Variants in LRP2 observed in about 807,000 individuals in gnomAD.
The protein encoded by LRP2 is LDL receptor related protein 2.
Under a neutral mutation model 531.0 loss-of-function variants are expected in LRP2, and 172 were observed. The ratio of observed to expected loss-of-function variants is 0.32; its 90% CI spans 0.29 to 0.37. The LOEUF (loss-of-function observed/expected upper bound fraction) is 0.37. Among genes scored for constraint, LRP2 ranks in the 10% least tolerant of loss-of-function variants. The pLI is 1.00. For synonymous variants in LRP2, 1,992 were observed against 2,027.6 expected (o/e 0.98, Z 0.47); for missense variants, 5,167 against 5,868.3 (o/e 0.88, Z 3.90).
At chr2:169,213,606 T>C in intron 36 of LRP2, 51 bp downstream of exon 36, 1 of 1,388,670 alleles carries the variant, frequency 7.2e-7, no homozygotes, top group Non-Finnish European at 1.0e-6. Flanking sequence ...GTGAGTTATG[T>C]GTGAATATGC....
intron 50 of LRP2, among the ~76,000 whole-genome samples, chr2:169,184,102 A>G (rs1263952365): frequency 6.6e-6 from 1 of 152,144 alleles, no homozygotes; most frequent in Admixed American, 6.5e-5. Context: ...AATCCAAGAG[A>G]AACGTCATTC....
In LRP2 at chr2:169,282,982, T is replaced by C. The variant is rs755607666; in HGVS notation, c.1062A>G (p.Ile354Met). 1.2e-6 allele frequency: 2 copies of C among 1,614,012 alleles called. No individual in the cohort carries two copies. The highest frequency in any genetic ancestry group is 2.2e-5 in the East Asian group (1 of 44,892). Residue 354 changes from isoleucine (I) to methionine (M), a missense_variant, in exon 10 of 79, where the codon ATA (isoleucine) becomes ATG (methionine). By Grantham distance (10) the Ile-to-Met change is conservative (BLOSUM62 1). Coordinates refer to ENST00000649046, the MANE Select transcript of LRP2 (RefSeq NM_004525.3). ...RTCVEFDDCQ[I>M]WGICDQKCES... is the part of the protein sequence containing the mutation. ...CACACTTCTGGTCACAAATTCCCCA[T>C]ATCTGGCAATCATCAAACTCTGCCA...
chr2:169,204,402 G>A (rs1345068865), intron 41 of LRP2, 131 bp from the exon 42 acceptor site: 4 of 841,758 alleles, frequency 4.8e-6, no homozygotes, highest in Non-Finnish European at 7.9e-6. Context: ...GGGGCATATG[G>A]CAGCTGGAAA....
intron 63 of LRP2, among the ~76,000 whole-genome samples, chr2:169,160,685 A>AAAAAAAAAAAAAAACAAAAAAAAC (rs970862922): frequency 2.1e-5 from 2 of 94,282 alleles, no homozygotes; most frequent in East Asian, 2.3e-4. Context: ...ATTTCCTTAA[A>AAAAAAAAAAAAAAACAAAAAAAAC]AAAAAAAAAA....
chr2:169,232,471 A>G (rs1042307387), intron 30 of LRP2, among the ~76,000 whole-genome samples: 3 of 134,626 alleles, frequency 2.2e-5, no homozygotes, highest in African/African-American at 8.2e-5. Flanking sequence ...ACTGTAAACC[A>G]AACACCATTC....
rs1423175784 is a variant in LRP2, at chr2:169,246,911, T to C, written c.2984A>G (p.Gln995Arg). 1 of 1,614,186 alleles carries C rather than the reference T, an allele frequency of 6.2e-7. No individual in the cohort carries two copies. Among genetic ancestry groups the C allele is most frequent in the Admixed American group, 1.7e-5 (1 of 60,020 alleles). ...TCCATAAGGGCACCCACACACTCGC[T>C]GGAAATTTGGCACCGGGAAGCAGAA... ...SHFCFPVPNF[Q>R]RVCGCPYGMR... The change falls in exon 21 of 79, where the codon CAG (glutamine) becomes CGG (arginine). Residue 995 changes from glutamine (Q) to arginine (R), a missense_variant. Physicochemically the swap from Gln to Arg is conservative, Grantham distance 43. Coordinates refer to ENST00000649046, the MANE Select transcript of LRP2 (RefSeq NM_004525.3).
chr2:169,240,989 G>A lies in LRP2; in HGVS notation c.4044C>T (p.Cys1348=). ...GTAAACTGTGGTCAGGAAACTTACT[G>A]CAAAGTGGGGACTCATCTGTCCCAT... ...CPNGTDESPL[C]NGNSCSDFNG... Residue 1348 remains cysteine (C), a splice_region_variant and synonymous_variant, in exon 25 of 79, where the codon TGC becomes TGT. Transcript: ENST00000649046. 1 of 1,612,150 alleles carries A rather than the reference G, an allele frequency of 6.2e-7. No homozygotes were observed. Among genetic ancestry groups the A allele is most frequent in the Admixed American group, 1.7e-5 (1 of 60,022 alleles).
chr2:169,268,545 C>T (rs955770899), intron 16 of LRP2, among the ~76,000 whole-genome samples: 3 of 152,150 alleles, frequency 2.0e-5, no homozygotes, highest in Non-Finnish European at 4.4e-5. Flanking sequence ...AGGCCTTTGA[C>T]AAAATTCAAC....
chr2:169,146,940 A>T lies in LRP2; in HGVS notation c.12610T>A (p.Trp4204Arg), dbSNP rs1415614477. The T allele has an allele frequency of 6.2e-7, 1 of 1,612,870 alleles. No homozygotes were observed. The highest frequency in any genetic ancestry group is 8.5e-7 in the Non-Finnish European group (1 of 1,179,390). ...PKLGLMFWTDWGKEPKIESAW... is the reference protein window; with the variant it reads ...PKLGLMFWTDRGKEPKIESAW... ...GACTCGATTTTAGGTTCCTTTCCCC[A>T]GTCAGTCCAGAACATAAGCCTATAA... The change falls in exon 69 of 79, where the codon TGG becomes AGG. Residue 4204 changes from tryptophan to arginine, a missense_variant. Around this residue, in one of 6 missense-constraint regions of LRP2, gnomAD observed 564 missense variants for 747.7 expected, o/e 0.75. Coordinates refer to ENST00000649046, the MANE Select transcript of LRP2 (RefSeq NM_004525.3).
At chr2:169,139,416 G>A (rs558627612) in intron 73 of LRP2, 45 bp from the exon 74 acceptor site, 11 of 1,613,934 alleles carry the variant, frequency 6.8e-6, no homozygotes, top group East Asian at 4.5e-5. Flanking sequence ...ATGGGAGCCC[G>A]CAATCCTGGC....
intron 7 of LRP2, among the ~76,000 whole-genome samples, chr2:169,291,816 C>T (rs997243728): frequency 4.6e-5 from 7 of 152,140 alleles, no homozygotes; most frequent in Non-Finnish European, 7.4e-5. Context: ...AAAAAATAAG[C>T]TGAACTGTTA....
chr2:169,219,111 C>A (rs1267404623), intron 34 of LRP2, among the ~76,000 whole-genome samples: 1 of 152,052 alleles, frequency 6.6e-6, no homozygotes, highest in Non-Finnish European at 1.5e-5. Context: ...AATTTCGAAC[C>A]TAAGACAGTC....
intron 63 of LRP2, among the ~76,000 whole-genome samples, chr2:169,161,752 G>A (rs1046084655): frequency 3.9e-5 from 6 of 152,068 alleles, no homozygotes; most frequent in South Asian, 4.2e-4. Context: ...GGGATTACAG[G>A]CATGAGCCAC....
rs2105449473 is a variant in LRP2, at chr2:169,279,429, G to T, written c.1508C>A (p.Thr503Asn). ...MVNLDGSYRV[T>N]LITENLGHPR... ...ATGCCCCAAGTTTTCAGTTATAAGG[G>T]TAACCCGATAGCTTCCATCCAAATT... is the stretch of plus-strand genomic sequence containing the variant. The change falls in exon 12 of 79, where the codon ACC becomes AAC. Residue 503 changes from threonine to asparagine, a missense_variant. By Grantham distance (65) the Thr-to-Asn change is moderately conservative. Transcript: ENST00000649046. 1 of 1,614,016 alleles carries T rather than the reference G, an allele frequency of 6.2e-7. No homozygotes were observed. The highest frequency in any genetic ancestry group is 8.5e-7 in the Non-Finnish European group (1 of 1,179,992).
At chr2:169,326,854 G>T (rs1244767437) in intron 1 of LRP2, among the ~76,000 whole-genome samples, 1 of 149,702 alleles carries the variant, frequency 6.7e-6, no homozygotes. Context: ...TGTGGGGAGC[G>T]CCTCTGCCCC....
Position 169,241,129 on chromosome 2 carries a change from C to T in LRP2, c.3904G>A (p.Glu1302Lys). The T allele has an allele frequency of 6.2e-7, 1 of 1,613,990 alleles. No homozygotes were observed. Among genetic ancestry groups the T allele is most frequent in the Non-Finnish European group, 8.5e-7 (1 of 1,179,892 alleles). ...AAGGGCTGAGTAGGGCAGTCCTTCT[C>T]ATCACTCATATCCCCGCAGTCATTG... ...RDNDCGDMSDEKDCPTQPFRC... is the reference protein window; with the variant it reads ...RDNDCGDMSDKKDCPTQPFRC... Residue 1302 changes from glutamate (E) to lysine (K), a missense_variant, in exon 25 of 79, where the codon GAG (glutamate) becomes AAG (lysine). By Grantham distance (56) the Glu-to-Lys change is moderately conservative. Around this residue, in one of 6 missense-constraint regions of LRP2, gnomAD observed 2,811 missense variants for 3,058.0 expected, o/e 0.92. Coordinates refer to ENST00000649046, the MANE Select transcript of LRP2 (RefSeq NM_004525.3).
At chr2:169,247,227 T>C (rs1690043721) in intron 20 of LRP2, 151 bp downstream of exon 20, 1 of 951,680 alleles carries the variant, frequency 1.1e-6, no homozygotes. Flanking sequence ...AGATTTCAAG[T>C]CTTACACTCT....
intron 1 of LRP2, among the ~76,000 whole-genome samples, chr2:169,323,082 G>C (rs1684947312): frequency 6.6e-6 from 1 of 152,054 alleles, no homozygotes; most frequent in African/African-American, 2.4e-5. Flanking sequence ...ACACTTCAAA[G>C]TCAATTATTT....
chr2:169,360,495 G>T (rs1420442922), intron 1 of LRP2, among the ~76,000 whole-genome samples: 2 of 152,054 alleles, frequency 1.3e-5, no homozygotes, highest in Non-Finnish European at 2.9e-5. Flanking sequence ...AGTAGGTATT[G>T]GTTATTTAGT....
Sources: allele counts gnomAD v4.1 joint callset (sites outside exome capture counted in the v4.1 genomes callset), GRCh38; gene constraint gnomAD v4.1.1; regional missense constraint gnomAD v4.1.1; transcripts MANE v1.5; gene names NCBI Gene and HGNC (gene_info 2026-07-23, HGNC 2026-07-21).